CCDC38: variants seen among roughly 807,000 people sequenced by gnomAD.
The protein encoded by CCDC38 is coiled-coil domain-containing protein 38.
Under a neutral mutation model 72.8 loss-of-function variants are expected in CCDC38, and 69 were observed. The observed-to-expected ratio is 0.95, with a 90% confidence interval of 0.78 to 1.16. The LOEUF (loss-of-function observed/expected upper bound fraction) is 1.16, where lower values mean the gene tolerates loss of function less well. Ranked by LOEUF, CCDC38 falls within the 50% of genes most tolerant of loss-of-function variation. The pLI, the probability that CCDC38 is intolerant of heterozygous loss-of-function variation, is 0.00. For missense variants in CCDC38, 626 were observed against 638.9 expected, an observed-to-expected ratio of 0.98 and a Z score of 0.22; for synonymous variants, 201 against 213.2, an observed-to-expected ratio of 0.94 and a Z score of 0.50.
chr12:95,883,422 C>G (rs562983556), intron 10 of CCDC38, among the ~76,000 whole-genome samples: 1 of 152,126 alleles, frequency 6.6e-6, no homozygotes, highest in Non-Finnish European at 1.5e-5. Flanking sequence ...CCCCCTTTTA[C>G]CCAGAATGAT....
chr12:95,925,457 T>C (rs2080258605), intron 2 of CCDC38, among the ~76,000 whole-genome samples: 1 of 152,208 alleles, frequency 6.6e-6, no homozygotes, highest in South Asian at 2.1e-4. Flanking sequence ...CGATGGGGTT[T>C]TCTAGATATA....
At chr12:95,922,180 G>T (rs2080216855) in intron 2 of CCDC38, among the ~76,000 whole-genome samples, 1 of 152,176 alleles carries the variant, frequency 6.6e-6, no homozygotes, top group Non-Finnish European at 1.5e-5. Flanking sequence ...AAAGAAAATT[G>T]CAGAGTGGAA....
At chr12:95,907,906 C>T (rs1295648648) in intron 4 of CCDC38, among the ~76,000 whole-genome samples, 2 of 151,554 alleles carry the variant, frequency 1.3e-5, no homozygotes, top group Admixed American at 6.6e-5. Flanking sequence ...AGGCGCTTCT[C>T]ACTTCCTAGA....
chr12:95,902,323 T>C (rs80095440), intron 5 of CCDC38, among the ~76,000 whole-genome samples: 12,919 of 152,160 alleles, frequency 0.085, 764 homozygotes, highest in Non-Finnish European at 0.12. Flanking sequence ...AATGAACATA[T>C]TCATCACCTC....
intron 2 of CCDC38, among the ~76,000 whole-genome samples, chr12:95,932,365 T>A (rs934963676): frequency 6.6e-6 from 1 of 152,150 alleles, no homozygotes; most frequent in Non-Finnish European, 1.5e-5. Context: ...CATTTTTCCT[T>A]CCTTCTTTCC....
At chr12:95,930,079 C>T (rs2080321320) in intron 2 of CCDC38, among the ~76,000 whole-genome samples, 1 of 152,108 alleles carries the variant, frequency 6.6e-6, no homozygotes, top group South Asian at 2.1e-4. Flanking sequence ...ATCCTTTTCC[C>T]AAATAAGGCC....
At position 95,895,140 on chromosome 12, in the gene CCDC38, T is replaced by C. The variant is rs1376843405; in HGVS notation, c.621A>G (p.Ile207Met). 1 of 1,604,290 alleles carries C rather than the reference T, an allele frequency of 6.2e-7. No individual in the cohort carries two copies. The highest frequency in any genetic ancestry group is 8.5e-7 in the Non-Finnish European group (1 of 1,176,980). The change falls in exon 8 of 16, where the codon ATA becomes ATG. Residue 207 changes from isoleucine to methionine, a missense_variant. Physicochemically the swap from Ile to Met is conservative, Grantham distance 10. Coordinates refer to ENST00000344280, the MANE Select transcript of CCDC38 (RefSeq NM_182496.3). ...CCCTGAGGAGGAATTCTGTTTTTGC[T>C]ATTTCACTACTCAAAAGAAACAAAG... ...SMEVQAVKSE[I>M]AKTEFLLREY...
rs762453476 is a variant in CCDC38, at chr12:95,918,961, C to A, written c.53G>T (p.Gly18Val). 22 of 1,603,284 alleles carry A rather than the reference C, an allele frequency of 1.4e-5. No individual in the cohort carries two copies. The highest frequency in any genetic ancestry group is 2.2e-5 in the East Asian group (1 of 44,830). Residue 18 changes from glycine to valine, a missense_variant, in exon 3 of 16, where the codon GGC (glycine) becomes GTC (valine). Gly to Val is a moderately radical substitution (Grantham distance 109). Transcript: ENST00000344280. Reference protein sequence around the residue: ...TLNSGGKVKDGSTKEDRPYKI... With the variant: ...TLNSGGKVKDVSTKEDRPYKI... ...ATAAGGCCTGTCCTCTTTGGTTGAG[C>A]CATCTTTTACTTTACCTGTTAAAAA...
intron 2 of CCDC38, among the ~76,000 whole-genome samples, chr12:95,926,246 A>C (rs2080269446): frequency 6.6e-6 from 1 of 150,910 alleles, no homozygotes; most frequent in Admixed American, 6.6e-5. Context: ...TCAGAGATTC[A>C]ACTTCTTCCT....
At chr12:95,933,413 T>C (rs1189203899) in intron 2 of CCDC38, 1 of 152,168 alleles carries the variant, frequency 6.6e-6, no homozygotes, top group African/African-American at 2.4e-5. Flanking sequence ...AGAAGAAACA[T>C]TTATGGTCAA....
At chr12:95,913,510 G>A (rs1273485130) in intron 4 of CCDC38, among the ~76,000 whole-genome samples, 3 of 152,110 alleles carry the variant, frequency 2.0e-5, no homozygotes, top group African/African-American at 7.2e-5. Context: ...TATTCTTTCA[G>A]CAGAAGACCC....
At chr12:95,929,367 C>T (rs567656490) in intron 2 of CCDC38, among the ~76,000 whole-genome samples, 6 of 152,308 alleles carry the variant, frequency 3.9e-5, no homozygotes, top group East Asian at 3.9e-4. Context: ...TTGCACTTCC[C>T]GAGTGAGGCA....
chr12:95,897,435 C>T (rs2079901638), intron 7 of CCDC38, among the ~76,000 whole-genome samples: 1 of 151,518 alleles, frequency 6.6e-6, no homozygotes, highest in South Asian at 2.1e-4. Context: ...GTGGTGAAAC[C>T]CCATTTCTAC....
At chr12:95,872,165 T>A in intron 14 of CCDC38, 90 bp downstream of exon 14, 1 of 1,143,764 alleles carries the variant, frequency 8.7e-7, no homozygotes, top group South Asian at 1.4e-5. Context: ...CCCTATAATA[T>A]GACATTACAC....
At chr12:95,906,654 G>A (rs916478540) in intron 4 of CCDC38, among the ~76,000 whole-genome samples, 1 of 151,818 alleles carries the variant, frequency 6.6e-6, no homozygotes, top group Non-Finnish European at 1.5e-5. Flanking sequence ...TCATATTCCA[G>A]AAACCTCATT....
At position 95,918,977 on chromosome 12, in the gene CCDC38, C is replaced by A. The variant is rs759070274; in HGVS notation, c.38-1G>T. The A allele has an allele frequency of 1.3e-6, 2 of 1,576,732 alleles. No homozygotes were observed. Among genetic ancestry groups the A allele is most frequent in the Admixed American group, 1.7e-5 (1 of 59,558 alleles). ...TTGGTTGAGCCATCTTTTACTTTAC[C>A]TGTTAAAAAAGAAAGAATGAATGAA... On this transcript the variant is annotated splice_acceptor_variant, in intron 2 of 15. Coordinates refer to ENST00000344280, the MANE Select transcript of CCDC38 (RefSeq NM_182496.3). LOFTEE classifies it high-confidence loss of function.
At chr12:95,878,808 T>G (rs926231923) in intron 12 of CCDC38, among the ~76,000 whole-genome samples, 4 of 152,104 alleles carry the variant, frequency 2.6e-5, no homozygotes, top group African/African-American at 4.8e-5. Context: ...AAAATCTTAT[T>G]GTGGAGGTGG....
In CCDC38 at chr12:95,878,246, G is replaced by T; in HGVS notation, c.1243C>A (p.Leu415Ile). 1 of 1,613,512 alleles carries T rather than the reference G, an allele frequency of 6.2e-7. No individual in the cohort carries two copies. The highest frequency in any genetic ancestry group is 8.5e-7 in the Non-Finnish European group (1 of 1,179,752). ...GAATTAAATTCTCCAAAGCTAAAGA[G>T]CTTGGACTTTAATTGCAATTCTGCT... ...KAAELQLKSK[L>I]FSFGEFNSDA... The change falls in exon 13 of 16, where the codon CTC becomes ATC. Residue 415 changes from leucine to isoleucine, a missense_variant. Leu to Ile is a conservative substitution (Grantham distance 5, BLOSUM62 2). Coordinates refer to ENST00000344280, the MANE Select transcript of CCDC38 (RefSeq NM_182496.3).
At chr12:95,868,728 T>G (rs10745733) in intron 15 of CCDC38, among the ~76,000 whole-genome samples, 113,543 of 151,828 alleles carry the variant, frequency 0.75, 43,204 homozygotes, top group African/African-American at 0.82. Context: ...GGAAAGAGTG[T>G]CATATAGAAA....
Sources: gnomAD v4.1 joint callset for allele counts (sites outside exome capture counted in the v4.1 genomes callset) on GRCh38, gnomAD v4.1.1 for gene constraint, MANE v1.5 for transcripts, NCBI Gene and HGNC (gene_info 2026-07-23, HGNC 2026-07-21) for gene names.